The following TOM1L2 variants were observed in gnomAD, a reference collection of about 807,000 sequenced individuals.
TOM1L2 encodes target of myb1 like 2 membrane trafficking protein.
In TOM1L2, 31 loss-of-function variants were observed where a neutral mutation model predicts 67.9. The observed-to-expected ratio is 0.46, with a 90% CI of 0.34 to 0.62. TOM1L2 has a LOEUF of 0.62. Among genes scored for constraint, TOM1L2 ranks in the 20% least tolerant of loss-of-function variants. The pLI, the probability that TOM1L2 is intolerant of heterozygous loss-of-function variation, is 0.01. For missense variants in TOM1L2, 606 were observed against 663.5 expected (o/e 0.91, Z 0.95); for synonymous variants, 256 against 254.0 (o/e 1.01, Z -0.07).
chr17:17,868,228 C>A (rs887965702), intron 8 of TOM1L2, among the ~76,000 whole-genome samples: 1 of 152,204 alleles, frequency 6.6e-6, no homozygotes, highest in Non-Finnish European at 1.5e-5. Flanking sequence ...ACTGGGGGGT[C>A]CTGGGGATGC....
At chr17:17,931,783 G>C (rs1302138416) in intron 1 of TOM1L2, among the ~76,000 whole-genome samples, 1 of 152,204 alleles carries the variant, frequency 6.6e-6, no homozygotes, top group African/African-American at 2.4e-5. Context: ...TTACACACGT[G>C]ACACTGTTAG....
intron 11 of TOM1L2, 113 bp from the exon 12 acceptor site, chr17:17,861,664 G>T: frequency 1.1e-6 from 1 of 895,594 alleles, no homozygotes; most frequent in Non-Finnish European, 1.8e-6. Context: ...AGATGTCCTT[G>T]GAAAAACATT....
intron 1 of TOM1L2, among the ~76,000 whole-genome samples, chr17:17,970,789 T>C (rs537135043): frequency 6.6e-6 from 1 of 151,494 alleles, no homozygotes; most frequent in Non-Finnish European, 1.5e-5. Context: ...TAAAATTTCA[T>C]AAGCAAAGCA....
intron 1 of TOM1L2, among the ~76,000 whole-genome samples, chr17:17,942,053 T>C (rs1255462872): frequency 1.3e-5 from 2 of 152,218 alleles, no homozygotes; most frequent in African/African-American, 4.8e-5. Context: ...TTCTCTCTAC[T>C]TCTCTCCATT....
At chr17:17,923,275 C>T (rs769270179) in intron 1 of TOM1L2, among the ~76,000 whole-genome samples, 14 of 152,174 alleles carry the variant, frequency 9.2e-5, no homozygotes, top group Non-Finnish European at 1.8e-4. Context: ...GTGGTGGGTG[C>T]CTGTAATCCC....
chr17:17,872,032 G>C, intron 7 of TOM1L2: 4 of 985,430 alleles, frequency 4.1e-6, no homozygotes, highest in Non-Finnish European at 4.8e-6. Context: ...AAGCTGCCTG[G>C]GCCTTGGGGC....
chr17:17,863,131 A>G, intron 10 of TOM1L2: 1 of 357,676 alleles, frequency 2.8e-6, no homozygotes, highest in Non-Finnish European at 5.1e-6. Flanking sequence ...GCGCCAGTGC[A>G]CCTGCAGATT....
intron 12 of TOM1L2, among the ~76,000 whole-genome samples, chr17:17,855,277 C>A (rs59899858): frequency 0.025 from 3,777 of 152,274 alleles, 131 homozygotes; most frequent in African/African-American, 0.08. Flanking sequence ...TAGGATTATC[C>A]TTCCAGAGTA....
intron 10 of TOM1L2, among the ~76,000 whole-genome samples, chr17:17,864,279 C>T (rs1271755877): frequency 6.7e-6 from 1 of 149,492 alleles, no homozygotes; most frequent in East Asian, 1.9e-4. Flanking sequence ...AGAGCGATGT[C>T]GGCTCACTGC....
At chr17:17,927,073 C>A (rs1242382165) in intron 1 of TOM1L2, among the ~76,000 whole-genome samples, 1 of 152,144 alleles carries the variant, frequency 6.6e-6, no homozygotes, top group East Asian at 1.9e-4. Flanking sequence ...CCAAGGGAAA[C>A]ATGCAAATAA....
At chr17:17,933,967 G>A (rs1037684842) in intron 1 of TOM1L2, among the ~76,000 whole-genome samples, 1 of 152,084 alleles carries the variant, frequency 6.6e-6, no homozygotes, top group African/African-American at 2.4e-5. Flanking sequence ...TATCCCACAA[G>A]GTGACTCACT....
At chr17:17,946,641 C>A (rs1428779916) in intron 1 of TOM1L2, among the ~76,000 whole-genome samples, 3 of 152,120 alleles carry the variant, frequency 2.0e-5, no homozygotes, top group Admixed American at 6.6e-5. Flanking sequence ...AGTTACTGAC[C>A]CTAAGCTAGG....
At chr17:17,945,288 ACACTCT>A (rs918204458) in intron 1 of TOM1L2, among the ~76,000 whole-genome samples, 8 of 147,952 alleles carry the variant, frequency 5.4e-5, no homozygotes, top group African/African-American at 2.0e-4. Context: ...ACACACACAC[ACACTCT>A]CTCTCTCTCT....
At chr17:17,928,814 G>A (rs560240687) in intron 1 of TOM1L2, among the ~76,000 whole-genome samples, 3 of 152,028 alleles carry the variant, frequency 2.0e-5, no homozygotes, top group Non-Finnish European at 2.9e-5. Context: ...TTTCTTTAGA[G>A]CTATTCCCAC....
chr17:17,943,613 G>T (rs116297752), intron 1 of TOM1L2, among the ~76,000 whole-genome samples: 1 of 152,178 alleles, frequency 6.6e-6, no homozygotes, highest in Non-Finnish European at 1.5e-5. Flanking sequence ...TGCTGCTGCA[G>T]CCTCCTCATT....
intron 1 of TOM1L2, among the ~76,000 whole-genome samples, chr17:17,941,497 G>A: frequency 6.6e-6 from 1 of 152,104 alleles, no homozygotes; most frequent in East Asian, 1.9e-4. Context: ...TCATCATTAC[G>A]CTGACTCCCA....
At chr17:17,908,036 C>T (rs1051629478) in intron 1 of TOM1L2, among the ~76,000 whole-genome samples, 1 of 152,132 alleles carries the variant, frequency 6.6e-6, no homozygotes, top group African/African-American at 2.4e-5. Context: ...CAGGTATTTG[C>T]TATTGGGATT....
intron 7 of TOM1L2, among the ~76,000 whole-genome samples, chr17:17,873,768 A>C (rs1469014093): frequency 6.6e-6 from 1 of 152,096 alleles, no homozygotes; most frequent in East Asian, 1.9e-4. Context: ...CCCTGGGTAA[A>C]ATAAGGGGGC....
At chr17:17,944,713 A>C (rs2040871622) in intron 1 of TOM1L2, among the ~76,000 whole-genome samples, 1 of 152,220 alleles carries the variant, frequency 6.6e-6, no homozygotes, top group South Asian at 2.1e-4. Flanking sequence ...GGAGAGGTGA[A>C]AAGCTGAACA....
Sources: allele counts gnomAD v4.1 joint callset (sites outside exome capture counted in the v4.1 genomes callset), GRCh38; gene constraint gnomAD v4.1.1; transcripts MANE v1.5; gene names NCBI Gene and HGNC (gene_info 2026-07-23, HGNC 2026-07-21).